CSMD1: variants seen among roughly 807,000 people sequenced by gnomAD.
The protein encoded by CSMD1 is CUB and Sushi multiple domains 1, also known as CUB and sushi domain-containing protein 1.
A neutral mutation model predicts 417.5 loss-of-function variants in CSMD1; 213 were observed. The observed-to-expected ratio is 0.51, with a 90% CI of 0.46 to 0.57. The LOEUF (loss-of-function observed/expected upper bound fraction) is 0.57, where lower values mean the gene tolerates loss of function less well. Among genes scored for constraint, CSMD1 ranks in the 20% least tolerant of loss-of-function variants. The pLI is 0.00. For synonymous variants in CSMD1, 2,862 were observed against 1,736.8 expected (o/e 1.65, Z -16.11); for missense variants, 6,923 against 4,529.7 (o/e 1.53, Z -15.17).
At chr8:3,932,618 C>T (rs980036527) in intron 5 of CSMD1, among the ~76,000 whole-genome samples, 15 of 150,390 alleles carry the variant, frequency 1.0e-4, no homozygotes, top group Non-Finnish European at 3.0e-5. Flanking sequence ...CATATTTCAC[C>T]AAACATTTAT....
At chr8:4,651,025 A>G (rs920418584) in intron 1 of CSMD1, among the ~76,000 whole-genome samples, 14 of 152,246 alleles carry the variant, frequency 9.2e-5, no homozygotes, top group African/African-American at 3.1e-4. Context: ...CATTTGCAAT[A>G]TTCACTGATC....
rs1002357445 is a variant in CSMD1, at chr8:4,483,381, C to T, written c.303-63316G>A. Among the ~76,000 whole-genome samples, 4 of 152,148 alleles carry T rather than the reference C, an allele frequency of 2.6e-5. No individual in the cohort carries two copies. The East Asian group carries it at 5.8e-4, about 22-fold the overall frequency. On this transcript the variant is annotated intron_variant, in intron 2 of 69. Transcript: ENST00000635120. Reference sequence around the variant, plus strand: ...AGTAGATAAATTATTTTGCTTAATGCTGCTACATTTTCTAAAGCTAGCTAA... The same window carrying T: ...AGTAGATAAATTATTTTGCTTAATGTTGCTACATTTTCTAAAGCTAGCTAA...
intron 7 of CSMD1, among the ~76,000 whole-genome samples, chr8:3,669,429 A>C (rs1798872040): frequency 6.6e-6 from 1 of 152,082 alleles, no homozygotes; most frequent in African/African-American, 2.4e-5. Context: ...CACTGTAGTG[A>C]GGGACTCCAC....
chr8:3,378,314 A>C (rs113204310), intron 18 of CSMD1, among the ~76,000 whole-genome samples: 1 of 152,194 alleles, frequency 6.6e-6, no homozygotes, highest in Non-Finnish European at 1.5e-5. Flanking sequence ...GAATTCTCCC[A>C]GAAGTACAAA....
intron 1 of CSMD1, among the ~76,000 whole-genome samples, chr8:4,854,499 T>C (rs2116845799): frequency 6.6e-6 from 1 of 152,090 alleles, no homozygotes; most frequent in East Asian, 1.9e-4. Context: ...CCATCTGAGG[T>C]ACCGGGTTCA....
intron 5 of CSMD1, among the ~76,000 whole-genome samples, chr8:3,850,081 C>G (rs1420542810): frequency 6.6e-6 from 1 of 152,214 alleles, no homozygotes; most frequent in Non-Finnish European, 1.5e-5. Context: ...CAGGCATGAG[C>G]CACTGCACCC....
intron 5 of CSMD1, among the ~76,000 whole-genome samples, chr8:3,805,127 G>A (rs1018105110): frequency 1.3e-5 from 2 of 152,138 alleles, no homozygotes; most frequent in Admixed American, 1.3e-4. Context: ...GTCTAGAATT[G>A]CCTCAGATTC....
chr8:3,126,028 C>T (rs1183492112), intron 41 of CSMD1, among the ~76,000 whole-genome samples: 1 of 152,160 alleles, frequency 6.6e-6, no homozygotes, highest in African/African-American at 2.4e-5. Context: ...AAGAAATCTA[C>T]CTCGGCAGTA....
intron 7 of CSMD1, among the ~76,000 whole-genome samples, chr8:3,645,632 T>C (rs1797537256): frequency 6.6e-6 from 1 of 152,164 alleles, no homozygotes; most frequent in Non-Finnish European, 1.5e-5. Context: ...GTCGGCCTTC[T>C]GCATTTGTAG....
intron 5 of CSMD1, among the ~76,000 whole-genome samples, chr8:3,870,868 G>T (rs1369406005): frequency 6.6e-6 from 1 of 152,014 alleles, no homozygotes; most frequent in Non-Finnish European, 1.5e-5. Flanking sequence ...AGGTTCCTTA[G>T]ATGCCTGAGT....
At chr8:4,373,613 GAACAT>G (rs1199300345) in intron 3 of CSMD1, among the ~76,000 whole-genome samples, 3 of 152,140 alleles carry the variant, frequency 2.0e-5, no homozygotes, top group African/African-American at 4.8e-5. Context: ...GGTGATTCAT[GAACAT>G]AACTGAAATT....
chr8:3,677,511 T>C (rs1251758174), intron 7 of CSMD1, among the ~76,000 whole-genome samples: 1 of 152,146 alleles, frequency 6.6e-6, no homozygotes, highest in Non-Finnish European at 1.5e-5. Context: ...ACACAGGGAA[T>C]GCCCAGGTGT....
Position 3,726,399 on chromosome 8 carries a change from T to G in CSMD1, c.932-17908A>C, listed in dbSNP as rs569893991. The stretch of plus-strand genomic sequence containing the variant: ...CATCTTTCAGGCTATAATATAAGTC[T>G]CTATAATTAGAAAGGATGGAATGAG... On this transcript the variant is annotated intron_variant, in intron 6 of 69. Transcript: ENST00000635120. Among the ~76,000 whole-genome samples the G allele has an allele frequency of 5.2e-4, 79 of 152,312 alleles. No homozygotes were observed. In the Middle Eastern group the frequency reaches 0.01, roughly 20 times the overall value.
intron 12 of CSMD1, among the ~76,000 whole-genome samples, chr8:3,429,041 A>G (rs1814037590): frequency 6.6e-6 from 1 of 152,158 alleles, no homozygotes; most frequent in South Asian, 2.1e-4. Context: ...TGGGGGAGGC[A>G]GGAGGACAGG....
chr8:4,064,654 G>A (rs1038879940), intron 3 of CSMD1, among the ~76,000 whole-genome samples: 133 of 152,136 alleles, frequency 8.7e-4, no homozygotes, highest in African/African-American at 1.1e-3. Flanking sequence ...TCTATGGCAG[G>A]TACACTCTGT....
Position 3,377,188 on chromosome 8 carries a change from T to C in CSMD1, c.2783-7818A>G, listed in dbSNP as rs1051936757. ...TACCCCCAGCTAATTTTTGTGTTTT[T>C]TTGTGTGGAAATGGGGTTTTACTGT... On this transcript the variant is annotated intron_variant, in intron 18 of 69. Transcript: ENST00000635120. 2.6e-5 allele frequency among the ~76,000 whole-genome samples: 4 copies of C among 152,282 alleles called. No individual in the cohort carries two copies. In the East Asian group the frequency reaches 7.8e-4, roughly 30 times the overall value.
intron 67 of CSMD1, among the ~76,000 whole-genome samples, chr8:2,949,950 A>G (rs1412694389): frequency 4.6e-5 from 7 of 152,218 alleles, no homozygotes; most frequent in African/African-American, 1.7e-4. Context: ...ATAACGTAGC[A>G]GTAACATCAT....
At chr8:3,978,592 G>A (rs1001660003) in intron 5 of CSMD1, among the ~76,000 whole-genome samples, 17 of 152,064 alleles carry the variant, frequency 1.1e-4, no homozygotes, top group African/African-American at 4.1e-4. Flanking sequence ...ATAGATTGAG[G>A]CATGTTGGGG....
chr8:4,221,434 T>A (rs868307695), intron 3 of CSMD1, among the ~76,000 whole-genome samples: 3 of 150,178 alleles, frequency 2.0e-5, no homozygotes, highest in Middle Eastern at 7.0e-3. Context: ...GCTACTGGGT[T>A]AACAGACAAC....
Sources: allele counts gnomAD v4.1 joint callset (sites outside exome capture counted in the v4.1 genomes callset), GRCh38; gene constraint gnomAD v4.1.1; transcripts MANE v1.5; gene names NCBI Gene and HGNC (gene_info 2026-07-23, HGNC 2026-07-21).